Variants in RALY observed in about 807,000 individuals in gnomAD.
The protein encoded by RALY is RALY heterogeneous nuclear ribonucleoprotein, also known as RNA-binding protein Raly.
A neutral mutation model predicts 30.7 loss-of-function variants in RALY; 15 were observed. The observed-to-expected ratio is 0.49, with a 90% CI of 0.33 to 0.75. The LOEUF is 0.75. Among genes scored for constraint, RALY ranks in the 30% least tolerant of loss-of-function variants. RALY has a pLI of 0.02. For missense variants in RALY, 339 were observed against 414.3 expected (o/e 0.82, Z 1.58); for synonymous variants, 177 against 170.8 (o/e 1.04, Z -0.28).
Position 34,035,152 on chromosome 20 carries a change from C to CAAAAAAAAAAAAAAAA in RALY, c.-10+3568_-10+3583dup, listed in dbSNP as rs61301033. Among the ~76,000 whole-genome samples the CAAAAAAAAAAAAAAAA allele has an allele frequency of 1.2e-4, 4 of 32,512 alleles. 1 individual carries two copies. Among genetic ancestry groups the CAAAAAAAAAAAAAAAA allele is most frequent in the Non-Finnish European group, 1.8e-4 (2 of 11,200 alleles). 21.3% of individuals were successfully genotyped at this position (32,512 alleles called of 152,430 possible). A position where few individuals can be genotyped will look rare whatever the true frequency, so the allele number is the denominator to read the frequency against. On this transcript the variant is annotated intron_variant, in intron 2 of 9. Coordinates refer to ENST00000246194, the MANE Select transcript of RALY (RefSeq NM_016732.3). ...TGGGCGACAGAGCGAGACTCCATCT[C>CAAAAAAAAAAAAAAAA]AAAAAAAAAAAAAAAAAAAAAAAAA...
At chr20:34,039,664 T>C (rs559185985) in intron 2 of RALY, among the ~76,000 whole-genome samples, 1 of 152,290 alleles carries the variant, frequency 6.6e-6, no homozygotes, top group African/African-American at 2.4e-5. Flanking sequence ...AATTTGCATC[T>C]AGAAATGCCT....
intron 1 of RALY, among the ~76,000 whole-genome samples, chr20:34,008,102 C>T (rs2031243292): frequency 2.0e-5 from 3 of 152,180 alleles, no homozygotes; most frequent in African/African-American, 4.8e-5. Context: ...TTGCCTGGTA[C>T]CTTTTCCTAC....
intron 2 of RALY, among the ~76,000 whole-genome samples, chr20:34,064,059 G>A (rs369583799): frequency 2.0e-5 from 3 of 152,100 alleles, no homozygotes; most frequent in African/African-American, 7.2e-5. Context: ...AATTAGCTCC[G>A]TGTTTGGATA....
chr20:34,001,600 C>T (rs150100151), intron 1 of RALY, among the ~76,000 whole-genome samples: 73 of 152,282 alleles, frequency 4.8e-4, no homozygotes, highest in African/African-American at 1.7e-3. Flanking sequence ...AACGGTACTG[C>T]TTACATGGTG....
rs1354048188 is a variant in RALY, at chr20:34,012,929, T to G, written c.-92-18593T>G. Among the ~76,000 whole-genome samples the G allele has an allele frequency of 2.6e-5, 4 of 152,240 alleles. No individual in the cohort carries two copies. In the East Asian group the frequency reaches 7.7e-4, roughly 29 times the overall value. ...GATAGTCCCTGGTTTACAGTTTGACTTACTGATTTTTTGACTTTATGTTGG... is the reference window on the plus strand; with the variant it reads ...GATAGTCCCTGGTTTACAGTTTGACGTACTGATTTTTTGACTTTATGTTGG... On this transcript the variant is annotated intron_variant, in intron 1 of 9. Transcript: ENST00000246194.
chr20:34,054,009 A>G (rs921063044), intron 2 of RALY, among the ~76,000 whole-genome samples: 4 of 152,146 alleles, frequency 2.6e-5, no homozygotes, highest in African/African-American at 4.8e-5. Context: ...TAGTATACTG[A>G]ACAATGATGC....
chr20:34,023,229 A>G (rs1392646349), intron 1 of RALY, among the ~76,000 whole-genome samples: 3 of 152,218 alleles, frequency 2.0e-5, no homozygotes, highest in East Asian at 3.8e-4. Flanking sequence ...ACCATTTTAC[A>G]AATGTGAGGA....
chr20:34,001,825 G>A (rs2030929812), intron 1 of RALY, among the ~76,000 whole-genome samples: 2 of 152,144 alleles, frequency 1.3e-5, no homozygotes, highest in South Asian at 4.1e-4. Flanking sequence ...GGAGTGCAGT[G>A]GCATGATCTC....
intron 2 of RALY, among the ~76,000 whole-genome samples, chr20:34,043,859 AG>A (rs2032786007): frequency 6.6e-6 from 1 of 152,200 alleles, no homozygotes; most frequent in African/African-American, 2.4e-5. Context: ...GAAGAAGGAC[AG>A]GAAGGTAAAG....
chr20:34,039,854 T>A (rs1023743541), intron 2 of RALY, among the ~76,000 whole-genome samples: 8 of 152,182 alleles, frequency 5.3e-5, no homozygotes, highest in African/African-American at 1.9e-4. Flanking sequence ...GGCTCATGCC[T>A]GTAATCCCAG....
chr20:34,036,902 T>C (rs566619077), intron 2 of RALY, among the ~76,000 whole-genome samples: 3 of 152,306 alleles, frequency 2.0e-5, no homozygotes, highest in South Asian at 2.1e-4. Flanking sequence ...TTGGTTTCAT[T>C]GTTTTTCTTT....
At chr20:34,056,813 A>G (rs1358836327) in intron 2 of RALY, among the ~76,000 whole-genome samples, 1 of 152,240 alleles carries the variant, frequency 6.6e-6, no homozygotes, top group Non-Finnish European at 1.5e-5. Flanking sequence ...AGTGGCATTC[A>G]TTGGAGATAA....
chr20:34,007,263 T>A (rs1322740732), intron 1 of RALY, among the ~76,000 whole-genome samples: 1 of 152,192 alleles, frequency 6.6e-6, no homozygotes, highest in Non-Finnish European at 1.5e-5. Context: ...CGGGCACACC[T>A]GTAATCCCAG....
intron 9 of RALY, 104 bp downstream of exon 9, chr20:34,078,657 C>T: frequency 9.0e-7 from 1 of 1,107,624 alleles, no homozygotes; most frequent in South Asian, 2.2e-5. Flanking sequence ...CATACCTGGC[C>T]AAGTAGCACT....
chr20:34,013,498 A>C (rs2031493770), intron 1 of RALY, among the ~76,000 whole-genome samples: 1 of 151,948 alleles, frequency 6.6e-6, no homozygotes, highest in Admixed American at 6.6e-5. Flanking sequence ...ACCCTGTTGT[A>C]AATTGAGCAG....
intron 1 of RALY, among the ~76,000 whole-genome samples, chr20:34,021,505 A>G (rs2031820598): frequency 6.6e-6 from 1 of 152,156 alleles, no homozygotes; most frequent in Non-Finnish European, 1.5e-5. Context: ...TCAAGATAGC[A>G]GACACTTTCC....
intron 1 of RALY, among the ~76,000 whole-genome samples, chr20:34,020,269 A>G (rs1439465716): frequency 1.3e-5 from 2 of 152,204 alleles, no homozygotes; most frequent in Admixed American, 6.5e-5. Flanking sequence ...ATTAACTCCC[A>G]TGGGGGTGAG....
intron 2 of RALY, among the ~76,000 whole-genome samples, chr20:34,034,092 G>T (rs528199391): frequency 1.3e-5 from 2 of 152,324 alleles, no homozygotes; most frequent in South Asian, 4.1e-4. Flanking sequence ...CCACTGAGAT[G>T]TTGCCTTGTT....
chr20:34,032,405 G>A (rs889281233), intron 2 of RALY, among the ~76,000 whole-genome samples: 1 of 152,178 alleles, frequency 6.6e-6, no homozygotes, highest in South Asian at 2.1e-4. Flanking sequence ...TTTATGAAGT[G>A]GATGTCAGGG....
Sources: allele counts gnomAD v4.1 joint callset (sites outside exome capture counted in the v4.1 genomes callset), GRCh38; gene constraint gnomAD v4.1.1; transcripts MANE v1.5; gene names NCBI Gene and HGNC (gene_info 2026-07-23, HGNC 2026-07-21).